Variants in RERG observed in about 807,000 individuals in gnomAD.
RERG encodes RAS like estrogen regulated growth inhibitor, also known as ras-related and estrogen-regulated growth inhibitor.
Under a neutral mutation model 23.2 loss-of-function variants are expected in RERG, and 25 were observed. That is an observed-to-expected ratio of 1.08 (90% CI 0.79 to 1.50). The LOEUF is 1.50. RERG is among the 40% of genes most tolerant of loss of function. The pLI is 0.00. For missense variants in RERG, 253 were observed against 250.1 expected, an observed-to-expected ratio of 1.01 and a Z score of -0.08; for synonymous variants, 81 against 89.1, an observed-to-expected ratio of 0.91 and a Z score of 0.51.
At chr12:15,145,204 C>G (rs1864310983) in intron 2 of RERG, among the ~76,000 whole-genome samples, 2 of 137,308 alleles carry the variant, frequency 1.5e-5, no homozygotes, top group Non-Finnish European at 3.1e-5. Context: ...GAGATAAACA[C>G]TCTTTCTGGA....
intron 3 of RERG, among the ~76,000 whole-genome samples, chr12:15,115,111 T>A (rs1863695919): frequency 6.6e-6 from 1 of 151,630 alleles, no homozygotes; most frequent in African/African-American, 2.4e-5. Flanking sequence ...TATATATAAA[T>A]ATATAAAAGT....
intron 2 of RERG, among the ~76,000 whole-genome samples, chr12:15,211,061 CAT>C (rs778011227): frequency 1.2e-4 from 18 of 152,252 alleles, no homozygotes; most frequent in South Asian, 4.1e-4. Flanking sequence ...TACATACACA[CAT>C]GTGTTAAGGG....
At chr12:15,219,319 T>C (rs1395545954) in intron 1 of RERG, among the ~76,000 whole-genome samples, 2 of 152,356 alleles carry the variant, frequency 1.3e-5, no homozygotes, top group East Asian at 3.9e-4. Context: ...AATTGTTTTC[T>C]TCCTTAGGTA....
chr12:15,187,072 C>A (rs1865002801), intron 2 of RERG, among the ~76,000 whole-genome samples: 1 of 152,078 alleles, frequency 6.6e-6, no homozygotes, highest in Admixed American at 6.6e-5. Context: ...ATTCAACTAT[C>A]TTAACGATGG....
At chr12:15,148,847 GTTTTTTTTTTTTTTTTTTT>G (rs56033971) in intron 2 of RERG, among the ~76,000 whole-genome samples, 23 of 45,556 alleles carry the variant, frequency 5.0e-4, no homozygotes, top group Non-Finnish European at 5.9e-4. Context: ...CTTTAACTCT[GTTTTTTTTTTTTTTTTTTT>G]TTTTTTTTTT....
At chr12:15,140,120 A>G (rs1450155451) in intron 2 of RERG, among the ~76,000 whole-genome samples, 1 of 152,188 alleles carries the variant, frequency 6.6e-6, no homozygotes, top group East Asian at 1.9e-4. Flanking sequence ...CTCCAAAACT[A>G]ATATATGAAA....
intron 2 of RERG, among the ~76,000 whole-genome samples, chr12:15,192,007 T>C (rs1028865897): frequency 6.6e-6 from 1 of 152,134 alleles, no homozygotes; most frequent in African/African-American, 2.4e-5. Flanking sequence ...CCTGGATGCC[T>C]AATATAGTTT....
At chr12:15,145,050 G>A (rs1444776034) in intron 2 of RERG, among the ~76,000 whole-genome samples, 1 of 152,132 alleles carries the variant, frequency 6.6e-6, no homozygotes, top group African/African-American at 2.4e-5. Context: ...CCACAGGGAA[G>A]GTAAACCAGA....
At chr12:15,115,328 G>T (rs1443843422) in intron 3 of RERG, among the ~76,000 whole-genome samples, 1 of 152,070 alleles carries the variant, frequency 6.6e-6, no homozygotes, top group African/African-American at 2.4e-5. Flanking sequence ...TAAATAACTT[G>T]CCCAAGGTCA....
intron 2 of RERG, chr12:15,154,197 C>T (rs1275642406): frequency 6.6e-6 from 1 of 152,202 alleles, no homozygotes; most frequent in African/African-American, 2.4e-5. Flanking sequence ...CAAACTAGTA[C>T]AGTTATATAT....
At chr12:15,116,936 C>T (rs1346693728) in intron 3 of RERG, among the ~76,000 whole-genome samples, 2 of 151,806 alleles carry the variant, frequency 1.3e-5, no homozygotes, top group Non-Finnish European at 2.9e-5. Flanking sequence ...TCCAAGTGAA[C>T]CAAAATATAG....
intron 3 of RERG, among the ~76,000 whole-genome samples, chr12:15,115,608 A>C (rs1863705051): frequency 6.6e-6 from 1 of 152,154 alleles, no homozygotes; most frequent in Admixed American, 6.5e-5. Flanking sequence ...AAACTACCCA[A>C]ATCATTAACC....
At chr12:15,219,724 T>C (rs1865489412) in intron 1 of RERG, among the ~76,000 whole-genome samples, 1 of 152,230 alleles carries the variant, frequency 6.6e-6, no homozygotes, top group Non-Finnish European at 1.5e-5. Flanking sequence ...TGTCTGCAGC[T>C]AGTATAAACA....
chr12:15,161,918 T>C (rs1306051564), intron 2 of RERG, among the ~76,000 whole-genome samples: 1 of 152,206 alleles, frequency 6.6e-6, no homozygotes, highest in Non-Finnish European at 1.5e-5. Flanking sequence ...AATTAAGTCT[T>C]ATGAAGCTTA....
intron 2 of RERG, among the ~76,000 whole-genome samples, chr12:15,175,080 C>G (rs1864829128): frequency 6.6e-6 from 1 of 151,446 alleles, no homozygotes; most frequent in African/African-American, 2.4e-5. Context: ...TATAATGTGG[C>G]AACTCTGGAA....
At chr12:15,184,522 T>G (rs565644129) in intron 2 of RERG, among the ~76,000 whole-genome samples, 1 of 152,166 alleles carries the variant, frequency 6.6e-6, no homozygotes, top group African/African-American at 2.4e-5. Context: ...AGTAAACTTT[T>G]CCCCCCACTT....
At chr12:15,175,393 G>T (rs1864836987) in intron 2 of RERG, among the ~76,000 whole-genome samples, 1 of 141,870 alleles carries the variant, frequency 7.0e-6, no homozygotes, top group African/African-American at 2.6e-5. Flanking sequence ...GTGTGTTGGG[G>T]CATGCTTTCC....
intron 2 of RERG, among the ~76,000 whole-genome samples, chr12:15,128,871 C>A (rs967776940): frequency 6.6e-6 from 1 of 152,140 alleles, no homozygotes; most frequent in African/African-American, 2.4e-5. Flanking sequence ...GCCTCCAAAT[C>A]GAATTTTCCA....
intron 2 of RERG, among the ~76,000 whole-genome samples, chr12:15,130,039 G>C (rs960742414): frequency 5.9e-5 from 9 of 152,160 alleles, no homozygotes; most frequent in African/African-American, 2.2e-4. Context: ...TGTTGGACTT[G>C]AACATGTTGA....
Sources: allele counts gnomAD v4.1 joint callset (sites outside exome capture counted in the v4.1 genomes callset), GRCh38; gene constraint gnomAD v4.1.1; transcripts MANE v1.5; gene names NCBI Gene and HGNC (gene_info 2026-07-23, HGNC 2026-07-21).